DGKD: variants seen among roughly 807,000 people sequenced by gnomAD.
The protein encoded by DGKD is DAG kinase delta.
Under a neutral mutation model 154.4 loss-of-function variants are expected in DGKD, and 68 were observed. The observed-to-expected ratio is 0.44, with a 90% CI of 0.36 to 0.54. The LOEUF (loss-of-function observed/expected upper bound fraction) is 0.54. DGKD is among the 20% of genes least tolerant of loss of function. DGKD has a pLI of 0.00. For synonymous variants in DGKD, 693 were observed against 638.0 expected, an observed-to-expected ratio of 1.09 and a Z score of -1.30; for missense variants, 1,343 against 1,593.6, an observed-to-expected ratio of 0.84 and a Z score of 2.68.
intron 10 of DGKD, among the ~76,000 whole-genome samples, chr2:233,444,857 G>A (rs1028358025): frequency 7.2e-5 from 6 of 83,554 alleles, no homozygotes; most frequent in South Asian, 9.7e-4. Context: ...GGACAGTAAC[G>A]CCTCCCCACA....
intron 3 of DGKD, among the ~76,000 whole-genome samples, chr2:233,403,862 G>C (rs1214725394): frequency 1.3e-5 from 2 of 151,938 alleles, no homozygotes; most frequent in African/African-American, 4.8e-5. Context: ...GGCCGGTCTC[G>C]AACTCCTGAC....
chr2:233,392,907 A>G (rs999138020), intron 3 of DGKD, among the ~76,000 whole-genome samples: 10 of 152,248 alleles, frequency 6.6e-5, no homozygotes, highest in Middle Eastern at 3.4e-3. Flanking sequence ...TTCTAATTTT[A>G]TTAGTTTAGT....
At chr2:233,394,523 A>T (rs1353936574) in intron 3 of DGKD, among the ~76,000 whole-genome samples, 1 of 151,994 alleles carries the variant, frequency 6.6e-6, no homozygotes, top group Non-Finnish European at 1.5e-5. Flanking sequence ...GGATTAAAGA[A>T]GATCTTTTTC....
chr2:233,383,380 A>C (rs1401569610), intron 1 of DGKD, among the ~76,000 whole-genome samples: 7 of 152,110 alleles, frequency 4.6e-5, no homozygotes, highest in African/African-American at 1.7e-4. Context: ...GTTACTGGTT[A>C]CTGACTGGCT....
At chr2:233,448,635 C>T (rs2063164320) in intron 14 of DGKD, among the ~76,000 whole-genome samples, 1 of 152,228 alleles carries the variant, frequency 6.6e-6, no homozygotes, top group Admixed American at 6.5e-5. Flanking sequence ...CTTCTTGGGT[C>T]CAAATACCCC....
At chr2:233,382,721 C>T (rs559586383) in intron 1 of DGKD, among the ~76,000 whole-genome samples, 1 of 152,338 alleles carries the variant, frequency 6.6e-6, no homozygotes, top group South Asian at 2.1e-4. Flanking sequence ...GACATTAACA[C>T]TAATAGTCTG....
chr2:233,409,650 T>C (rs184043977), intron 3 of DGKD, among the ~76,000 whole-genome samples: 18 of 152,256 alleles, frequency 1.2e-4, no homozygotes, highest in East Asian at 7.7e-4. Context: ...TTGAAACAAC[T>C]TGTTATCAAA....
intron 3 of DGKD, among the ~76,000 whole-genome samples, chr2:233,409,688 GGA>G (rs2061774390): frequency 6.6e-6 from 1 of 151,852 alleles, no homozygotes; most frequent in African/African-American, 2.4e-5. Flanking sequence ...TCTGTGGTAG[GGA>G]GACTGCTGTT....
chr2:233,391,241 G>A (rs889307751), intron 3 of DGKD, among the ~76,000 whole-genome samples: 12 of 151,036 alleles, frequency 7.9e-5, no homozygotes, highest in Non-Finnish European at 1.5e-5. Context: ...TAAAAGTTAT[G>A]TAGGACTTTC....
Position 233,388,329 on chromosome 2 carries a change from C to G in DGKD, c.229C>G (p.Leu77Val), listed in dbSNP as rs1263557682. Residue 77 changes from leucine (L) to valine (V), a missense_variant, in exon 2 of 30, where the codon CTT (leucine) becomes GTT (valine). Leu to Val is a conservative substitution (Grantham distance 32). This residue lies in a region of DGKD where 332 missense variants were observed against 400.1 expected (regional missense o/e 0.83). Transcript: ENST00000264057. ...FQRSKRRYFK[L>V]RGRTLYYAKT... ...GCGATCAAAAAGGAGATACTTTAAG[C>G]TTCGAGGGCGAACGCTTTACTATGC... The G allele has an allele frequency of 6.2e-7, 1 of 1,614,100 alleles. No homozygotes were observed. Among genetic ancestry groups the G allele is most frequent in the Non-Finnish European group, 8.5e-7 (1 of 1,180,002 alleles).
At chr2:233,376,282 A>G (rs1037699746) in intron 1 of DGKD, among the ~76,000 whole-genome samples, 11 of 152,228 alleles carry the variant, frequency 7.2e-5, no homozygotes, top group African/African-American at 2.7e-4. Flanking sequence ...TCTTCCCCAG[A>G]CATAAAAAAT....
intron 1 of DGKD, among the ~76,000 whole-genome samples, chr2:233,367,644 A>G (rs931782293): frequency 3.3e-5 from 5 of 152,018 alleles, no homozygotes; most frequent in Non-Finnish European, 2.9e-5. Flanking sequence ...TTTATCTCCT[A>G]TATTTCCTAT....
At chr2:233,428,879 T>C (rs1307160721) in intron 3 of DGKD, among the ~76,000 whole-genome samples, 2 of 151,890 alleles carry the variant, frequency 1.3e-5, no homozygotes, top group Non-Finnish European at 2.9e-5. Context: ...TTTTTTTTGT[T>C]GTTGTTGTTG....
chr2:233,442,789 A>G (rs948499811), intron 10 of DGKD, among the ~76,000 whole-genome samples: 2 of 152,094 alleles, frequency 1.3e-5, no homozygotes, highest in Non-Finnish European at 2.9e-5. Flanking sequence ...TATTTTTAGT[A>G]GAGACAGGGT....
At chr2:233,379,351 T>A (rs915131360) in intron 1 of DGKD, among the ~76,000 whole-genome samples, 3 of 151,944 alleles carry the variant, frequency 2.0e-5, no homozygotes, top group African/African-American at 7.3e-5. Context: ...AAGGAGTTGG[T>A]TGTGTTTGGG....
rs2063197987 is a variant in DGKD, at chr2:233,449,483, C to T, written c.1888+107C>T. The T allele has an allele frequency of 1.4e-6, 2 of 1,411,572 alleles. No homozygotes were observed. Among genetic ancestry groups the T allele is most frequent in the African/African-American group, 2.9e-5 (2 of 69,586 alleles). 87.4% of individuals were successfully genotyped at this position (1,411,572 alleles called of 1,614,324 possible). A position where few individuals can be genotyped will look rare whatever the true frequency, so the allele number is the denominator to read the frequency against. On this transcript the variant is annotated intron_variant, in intron 15 of 29. Coordinates refer to ENST00000264057, the MANE Select transcript of DGKD (RefSeq NM_152879.3). The surrounding 1 kb of genome is among the most constrained non-coding windows in gnomAD (Gnocchi z 5.3). ...GAAGGGTGCATGTTGAGAAAACCTCCACTGCGGCCCTCTCCACCCATGTCC... is the reference window on the plus strand; with the variant it reads ...GAAGGGTGCATGTTGAGAAAACCTCTACTGCGGCCCTCTCCACCCATGTCC...
rs867863684 is a variant in DGKD, at chr2:233,442,188, A to C, written c.1194+193A>C. 17 of 693,360 alleles carry C rather than the reference A, an allele frequency of 2.5e-5. No homozygotes were observed. In the Middle Eastern group the frequency reaches 1.9e-3, roughly 76 times the overall value. 43.0% of individuals were successfully genotyped at this position (693,360 alleles called of 1,614,324 possible). On this transcript the variant is annotated intron_variant, in intron 10 of 29. Coordinates refer to ENST00000264057, the MANE Select transcript of DGKD (RefSeq NM_152879.3). ...CCTGGGCCACCCCCTGGCATTGTGG[A>C]GGCCCGGGGGCTCTGGCCATGATGT...
intron 1 of DGKD, among the ~76,000 whole-genome samples, chr2:233,368,469 A>G (rs1180658385): frequency 6.6e-6 from 1 of 152,122 alleles, no homozygotes; most frequent in African/African-American, 2.4e-5. Context: ...CCAAGATCAC[A>G]CCACTGCACT....
intron 2 of DGKD, among the ~76,000 whole-genome samples, chr2:233,389,743 A>G (rs2125442742): frequency 6.6e-6 from 1 of 152,336 alleles, no homozygotes; most frequent in East Asian, 1.9e-4. Context: ...TAAGGGAAAC[A>G]GGAGGCAGGG....
Sources: gnomAD v4.1 joint callset for allele counts (sites outside exome capture counted in the v4.1 genomes callset) on GRCh38, gnomAD v4.1.1 for gene constraint, gnomAD v4.1.1 regional missense constraint, Gnocchi (gnomAD v3.1) non-coding constraint, MANE v1.5 for transcripts, NCBI Gene and HGNC (gene_info 2026-07-23, HGNC 2026-07-21) for gene names.